Variants in ZMAT4 observed in about 807,000 individuals in gnomAD.
ZMAT4 encodes zinc finger matrin-type protein 4.
A neutral mutation model predicts 28.7 loss-of-function variants in ZMAT4; 17 were observed. That is an observed-to-expected ratio of 0.59 (90% CI 0.41 to 0.89). ZMAT4 has a LOEUF of 0.89. Among genes scored for constraint, ZMAT4 ranks in the 40% least tolerant of loss-of-function variants. The pLI is 0.00. For missense variants in ZMAT4, 240 were observed against 283.8 expected (o/e 0.85, Z 1.11); for synonymous variants, 117 against 109.2 (o/e 1.07, Z -0.44).
At chr8:40,890,871 T>A (rs1030415133) in intron 1 of ZMAT4, among the ~76,000 whole-genome samples, 1 of 151,906 alleles carries the variant, frequency 6.6e-6, no homozygotes, top group Non-Finnish European at 1.5e-5. Flanking sequence ...CCTCCTCCCA[T>A]CCACCTGATG....
chr8:40,644,153 G>A (rs1277772130), intron 5 of ZMAT4, among the ~76,000 whole-genome samples: 4 of 152,204 alleles, frequency 2.6e-5, no homozygotes, highest in East Asian at 3.9e-4. Flanking sequence ...AAGCTTAAAG[G>A]TATAGATGCC....
At chr8:40,832,956 T>C (rs959208059) in intron 1 of ZMAT4, among the ~76,000 whole-genome samples, 4 of 152,196 alleles carry the variant, frequency 2.6e-5, no homozygotes, top group Non-Finnish European at 2.9e-5. Flanking sequence ...TAAACCCATA[T>C]TTGGTACTTT....
intron 6 of ZMAT4, among the ~76,000 whole-genome samples, chr8:40,558,928 T>C (rs1803637312): frequency 6.6e-6 from 1 of 152,150 alleles, no homozygotes; most frequent in African/African-American, 2.4e-5. Context: ...AGACTCTTTG[T>C]GGCAATAAGA....
At position 40,619,773 on chromosome 8, in the gene ZMAT4, T is replaced by C. The variant is rs138426468; in HGVS notation, c.578-38512A>G. ...TTTAAATCAGAGGCTCTGAAGGTGA[T>C]TCAGGCTTTTCGACAATCCCCTGAG... is the stretch of plus-strand genomic sequence containing the variant. On this transcript the variant is annotated intron_variant, in intron 5 of 6. Transcript: ENST00000297737. Among the ~76,000 whole-genome samples the C allele has an allele frequency of 4.5e-3, 685 of 152,320 alleles. 4 individuals are homozygous for C. Among genetic ancestry groups the C allele is most frequent in the African/African-American group, 0.016 (653 of 41,580 alleles).
Position 40,660,436 on chromosome 8 carries a change from C to G in ZMAT4, c.577+14268G>C, listed in dbSNP as rs143351073. On this transcript the variant is annotated intron_variant, in intron 5 of 6. Coordinates refer to ENST00000297737, the MANE Select transcript of ZMAT4 (RefSeq NM_024645.3). ...CATTACCTGCTAGCTTAGAAGTTTC[C>G]TGAAGGAAAGAACCATCCCTTTTTC... is the stretch of plus-strand genomic sequence containing the variant. Among the ~76,000 whole-genome samples the G allele has an allele frequency of 4.1e-3, 618 of 152,264 alleles. 4 individuals carry two copies. Among genetic ancestry groups the G allele is most frequent in the African/African-American group, 0.014 (594 of 41,554 alleles).
In ZMAT4 at chr8:40,870,326, A is replaced by C. The variant is rs536032905; in HGVS notation, c.-5+27357T>G. On this transcript the variant is annotated intron_variant, in intron 1 of 6. Coordinates refer to ENST00000297737, the MANE Select transcript of ZMAT4 (RefSeq NM_024645.3). ...TAGCCCAGGACTCTGTATCAGCTTC[A>C]ATCATCTGACCCTTCCTCAAGTCTC... Among the ~76,000 whole-genome samples, 75 of 152,292 alleles carry C rather than the reference A, an allele frequency of 4.9e-4. 1 individual carries two copies. Among genetic ancestry groups the C allele is most frequent in the African/African-American group, 1.8e-3 (74 of 41,562 alleles).
chr8:40,774,113 A>G (rs529842544), intron 2 of ZMAT4, among the ~76,000 whole-genome samples: 1 of 152,266 alleles, frequency 6.6e-6, no homozygotes, highest in East Asian at 1.9e-4. Flanking sequence ...AGAAAACCAC[A>G]AAGTAGGAAA....
intron 1 of ZMAT4, among the ~76,000 whole-genome samples, chr8:40,850,465 G>A (rs1013920570): frequency 6.6e-6 from 1 of 152,156 alleles, no homozygotes; most frequent in Non-Finnish European, 1.5e-5. Context: ...GATCACTGCA[G>A]ACAGTCATGG....
chr8:40,646,922 T>A (rs1807346458), intron 5 of ZMAT4, among the ~76,000 whole-genome samples: 3 of 152,222 alleles, frequency 2.0e-5, no homozygotes, highest in Admixed American at 2.0e-4. Flanking sequence ...TGCACATGAA[T>A]CATTCTCTAG....
chr8:40,800,953 T>G (rs990299322), intron 2 of ZMAT4, among the ~76,000 whole-genome samples: 1 of 151,840 alleles, frequency 6.6e-6, no homozygotes, highest in African/African-American at 2.4e-5. Flanking sequence ...TTCGAAAACA[T>G]GAATAAAATC....
chr8:40,727,811 G>T (rs1811372439), intron 3 of ZMAT4, among the ~76,000 whole-genome samples: 1 of 138,076 alleles, frequency 7.2e-6, no homozygotes, highest in South Asian at 2.4e-4. Flanking sequence ...AAGAGGTTAA[G>T]ACAAGATAAA....
rs188798010 is a variant in ZMAT4 at position 40,662,579 on chromosome 8, G to C, written c.577+12125C>G. ...AGACTTAACCAAGCGTCTTTAGAGA[G>C]TGTTCCATTTATTAGCTTCATTAAT... On this transcript the variant is annotated intron_variant, in intron 5 of 6. Coordinates refer to ENST00000297737, the MANE Select transcript of ZMAT4 (RefSeq NM_024645.3). Among the ~76,000 whole-genome samples, 664 of 152,256 alleles carry C rather than the reference G, an allele frequency of 4.4e-3. 6 individuals are homozygous for C. Among genetic ancestry groups the C allele is most frequent in the South Asian group, 7.9e-3 (38 of 4,820 alleles).
intron 4 of ZMAT4, among the ~76,000 whole-genome samples, chr8:40,695,849 A>G (rs1321891341): frequency 6.8e-6 from 1 of 146,072 alleles, no homozygotes; most frequent in Non-Finnish European, 1.5e-5. Flanking sequence ...TGATAAGCAA[A>G]CACACACCTT....
chr8:40,896,485 C>A (rs890222310), intron 1 of ZMAT4, among the ~76,000 whole-genome samples: 1 of 152,208 alleles, frequency 6.6e-6, no homozygotes, highest in Non-Finnish European at 1.5e-5. Flanking sequence ...GGTGGGCACA[C>A]AAGCAGAAGC....
intron 4 of ZMAT4, among the ~76,000 whole-genome samples, chr8:40,680,360 T>C (rs1294052495): frequency 1.3e-5 from 2 of 152,032 alleles, no homozygotes; most frequent in Non-Finnish European, 2.9e-5. Flanking sequence ...ACAAGGAAAG[T>C]CCTAGGCAAA....
chr8:40,803,422 T>C (rs1448528082), intron 2 of ZMAT4, among the ~76,000 whole-genome samples: 1 of 152,078 alleles, frequency 6.6e-6, no homozygotes, highest in Non-Finnish European at 1.5e-5. Context: ...CACTAAAAAA[T>C]GGGCCAAAGA....
intron 1 of ZMAT4, among the ~76,000 whole-genome samples, chr8:40,842,868 G>A (rs967597456): frequency 2.6e-5 from 4 of 152,120 alleles, no homozygotes; most frequent in East Asian, 3.9e-4. Context: ...CTCCGCCCCC[G>A]AGGTTCAAGC....
intron 2 of ZMAT4, among the ~76,000 whole-genome samples, chr8:40,793,788 C>A (rs543167388): frequency 1.3e-5 from 2 of 152,286 alleles, no homozygotes; most frequent in African/African-American, 4.8e-5. Flanking sequence ...TGAGGTGTGA[C>A]ATCTGTAATT....
intron 5 of ZMAT4, among the ~76,000 whole-genome samples, chr8:40,594,798 G>A (rs1379295731): frequency 6.6e-6 from 1 of 152,188 alleles, no homozygotes; most frequent in Non-Finnish European, 1.5e-5. Flanking sequence ...CTTCTCTACA[G>A]ATGCTATTTA....
Sources: allele counts gnomAD v4.1 joint callset (sites outside exome capture counted in the v4.1 genomes callset), GRCh38; gene constraint gnomAD v4.1.1; transcripts MANE v1.5; gene names NCBI Gene and HGNC (gene_info 2026-07-23, HGNC 2026-07-21).